The following MAEL variants were observed in gnomAD, a reference collection of about 807,000 sequenced individuals.
The protein encoded by MAEL is protein maelstrom homolog.
In MAEL, 46 loss-of-function variants were observed where a neutral mutation model predicts 62.0. The observed-to-expected ratio is 0.74, with a 90% CI of 0.59 to 0.95. The LOEUF (loss-of-function observed/expected upper bound fraction) is 0.95, where lower values mean the gene tolerates loss of function less well. MAEL is among the 40% of genes least tolerant of loss of function. MAEL has a pLI of 0.00. For missense variants in MAEL, 497 were observed against 526.8 expected, an observed-to-expected ratio of 0.94 and a Z score of 0.55; for synonymous variants, 172 against 175.5, an observed-to-expected ratio of 0.98 and a Z score of 0.16.
intron 1 of MAEL, among the ~76,000 whole-genome samples, chr1:166,976,867 C>T (rs1314381916): frequency 6.6e-6 from 1 of 152,222 alleles, no homozygotes; most frequent in African/African-American, 2.4e-5. Context: ...TCTCAATTCC[C>T]TTCTTATTCT....
Position 166,975,901 on chromosome 1 carries a change from C to T in MAEL, c.-121+235C>T, listed in dbSNP as rs1663562871. 2.0e-5 allele frequency among the ~76,000 whole-genome samples: 3 copies of T among 152,026 alleles called. No individual in the cohort carries two copies. In the South Asian group the frequency reaches 6.2e-4, roughly 32 times the overall value. ...AACCTGAACGGGGAGAGAGTGACAG[C>T]GGCGAGGGTGGGGGACGGCGGGGAC... is the stretch of plus-strand genomic sequence containing the variant. On this transcript the variant is annotated intron_variant, in intron 1 of 12. Transcript: ENST00000622874.
Position 167,010,295 on chromosome 1 carries a change from T to C in MAEL, c.845+4898T>C, listed in dbSNP as rs143064836. Among the ~76,000 whole-genome samples the C allele has an allele frequency of 1.8e-4, 27 of 152,276 alleles. No homozygotes were observed. The East Asian group carries it at 4.6e-3, about 26-fold the overall frequency. On this transcript the variant is annotated intron_variant, in intron 8 of 11. Coordinates refer to ENST00000367872, the MANE Select transcript of MAEL (RefSeq NM_032858.3). ...CAGTTAAACCTCTTTCCTTTATAAATTACCCAGTCTCAAATATTACTTCAC... is the reference window on the plus strand; with the variant it reads ...CAGTTAAACCTCTTTCCTTTATAAACTACCCAGTCTCAAATATTACTTCAC...
chr1:166,982,456 T>C (rs1449094802), intron 1 of MAEL, among the ~76,000 whole-genome samples: 1 of 152,190 alleles, frequency 6.6e-6, no homozygotes, highest in Non-Finnish European at 1.5e-5. Context: ...AGCAGAAAGC[T>C]GGATGTAGCT....
At chr1:166,991,522 C>A in intron 3 of MAEL, 45 bp downstream of exon 3, 3 of 1,097,374 alleles carry the variant, frequency 2.7e-6, no homozygotes, top group Non-Finnish European at 4.2e-6. Context: ...TTTGAGTGCC[C>A]AAAACACTAT....
intron 5 of MAEL, among the ~76,000 whole-genome samples, chr1:166,994,750 A>G (rs556604182): frequency 8.0e-5 from 12 of 149,612 alleles, no homozygotes; most frequent in Non-Finnish European, 1.6e-4. Flanking sequence ...GCTCACTGCA[A>G]TCTCTGCCTC....
chr1:167,021,519 G>A, intron 11 of MAEL, 149 bp from the exon 12 acceptor site: 1 of 581,474 alleles, frequency 1.7e-6, no homozygotes, highest in East Asian at 3.0e-5. Flanking sequence ...TCAATTAAAA[G>A]TTTCCTGGGC....
In MAEL at chr1:166,989,324, C is replaced by G. The variant is rs757681335; in HGVS notation, c.-29C>G. 1.9e-6 allele frequency: 3 copies of G among 1,602,812 alleles called. No individual in the cohort carries two copies. Among genetic ancestry groups the G allele is most frequent in the Admixed American group, 1.7e-5 (1 of 58,442 alleles). ...CGAGGGCGCCGGTGCTTTGTTCTGT[C>G]TGAGGCCAGGAAGTTTGACCGCGCT... On this transcript the variant is annotated 5_prime_UTR_variant, in exon 1 of 12. Transcript: ENST00000367872.
chr1:166,996,321 A>G (rs148071740), intron 5 of MAEL, among the ~76,000 whole-genome samples: 2 of 152,338 alleles, frequency 1.3e-5, no homozygotes, highest in African/African-American at 2.4e-5. Context: ...TTTATGAACT[A>G]TGAGTGAGAG....
chr1:167,004,056 G>T, intron 5 of MAEL, 124 bp from the exon 6 acceptor site: 1 of 751,256 alleles, frequency 1.3e-6, no homozygotes, highest in Admixed American at 2.8e-5. Context: ...AACAAAAACG[G>T]GGCTTTGTAC....
At chr1:167,013,073 G>A (rs1226608031) in intron 8 of MAEL, among the ~76,000 whole-genome samples, 1 of 152,160 alleles carries the variant, frequency 6.6e-6, no homozygotes, top group Admixed American at 6.5e-5. Flanking sequence ...GTATACTATT[G>A]GATAGATGAG....
chr1:166,984,237 A>G (rs1663848660), upstream of MAEL, among the ~76,000 whole-genome samples: 1 of 152,188 alleles, frequency 6.6e-6, no homozygotes, highest in South Asian at 2.1e-4. Context: ...TTCCCAAAAT[A>G]CAATTTGAGC....
upstream of MAEL, among the ~76,000 whole-genome samples, chr1:166,984,988 G>C (rs1663871288): frequency 6.6e-6 from 1 of 152,170 alleles, no homozygotes; most frequent in Non-Finnish European, 1.5e-5. Context: ...AACAGGAAAT[G>C]AATGTATCCA....
chr1:166,987,756 G>T (rs574371209), upstream of MAEL, among the ~76,000 whole-genome samples: 1 of 152,234 alleles, frequency 6.6e-6, no homozygotes, highest in East Asian at 1.9e-4. Flanking sequence ...ATATTGAAAT[G>T]GTAGTTAAAG....
At chr1:167,018,428 G>C (rs1665486056) in intron 10 of MAEL, among the ~76,000 whole-genome samples, 1 of 151,856 alleles carries the variant, frequency 6.6e-6, no homozygotes, top group African/African-American at 2.4e-5. Context: ...TGGGCTCTAG[G>C]GTCAGAATTC....
chr1:167,011,757 A>G (rs997273620), intron 8 of MAEL, among the ~76,000 whole-genome samples: 2 of 152,222 alleles, frequency 1.3e-5, no homozygotes, highest in Non-Finnish European at 2.9e-5. Flanking sequence ...AAATTTGTAC[A>G]TGGTTAGGCA....
chr1:166,985,388 G>A (rs979887617), upstream of MAEL, among the ~76,000 whole-genome samples: 4 of 152,178 alleles, frequency 2.6e-5, no homozygotes, highest in Non-Finnish European at 5.9e-5. Context: ...ATACTGATCA[G>A]TGCATGTGTG....
chr1:166,989,543 GGC>G (rs1664067445), intron 1 of MAEL, 59 bp downstream of exon 1: 1 of 1,554,882 alleles, frequency 6.4e-7, no homozygotes, highest in African/African-American at 1.4e-5. Context: ...CGGAGGGTGA[GGC>G]GGGAGGGCAG....
At chr1:166,976,315 G>A (rs916833117) in intron 1 of MAEL, among the ~76,000 whole-genome samples, 1 of 152,212 alleles carries the variant, frequency 6.6e-6, no homozygotes, top group Non-Finnish European at 1.5e-5. Flanking sequence ...ATTTGCTTAA[G>A]AAATATATTT....
In MAEL at chr1:167,016,222, G is replaced by A; in HGVS notation, c.846G>A (p.Arg282=). 1 of 1,613,356 alleles carries A rather than the reference G, an allele frequency of 6.2e-7. No individual in the cohort carries two copies. The highest frequency in any genetic ancestry group is 8.5e-7 in the Non-Finnish European group (1 of 1,179,540). The change falls in exon 9 of 12, where the codon AGG becomes AGA. Residue 282 remains arginine, a splice_region_variant and synonymous_variant. Coordinates refer to ENST00000367872, the MANE Select transcript of MAEL (RefSeq NM_032858.3). The part of the protein sequence containing the change: ...VAMWDYSSNT[R]CKWHEENDIL... ...TATTAAAGTCCATTTTTTTGTACAG[G>A]TGCAAGTGGCATGAAGAAAATGATA...
Sources: allele counts gnomAD v4.1 joint callset (sites outside exome capture counted in the v4.1 genomes callset), GRCh38; gene constraint gnomAD v4.1.1; transcripts MANE v1.5; gene names NCBI Gene and HGNC (gene_info 2026-07-23, HGNC 2026-07-21).